Variants in POC1A observed in about 807,000 individuals in gnomAD.
POC1A encodes POC1 centriolar protein A.
In POC1A, 34 loss-of-function variants were observed where a neutral mutation model predicts 47.8. The observed-to-expected ratio is 0.71, with a 90% CI of 0.54 to 0.95. POC1A has a LOEUF of 0.95. POC1A is among the 40% of genes least tolerant of loss of function. The probability of loss-of-function intolerance (pLI) is 0.00; values close to 1 mark genes in which losing one functional copy is unlikely to be tolerated. For synonymous variants in POC1A, 177 were observed against 207.6 expected (o/e 0.85, Z 1.27); for missense variants, 466 against 528.3 (o/e 0.88, Z 1.16).
intron 8 of POC1A, among the ~76,000 whole-genome samples, chr3:52,123,039 C>T (rs1399687484): frequency 6.6e-6 from 1 of 152,222 alleles, no homozygotes; most frequent in Non-Finnish European, 1.5e-5. Flanking sequence ...TGGCCTAAGG[C>T]AAGGGACTCA....
chr3:52,134,489 G>A lies in POC1A; in HGVS notation c.813+3680C>T, dbSNP rs111844121. ...TCTACTAAAAATACAAAAATTAGCC[G>A]GGTGTGGTGGCGGGTGCCTGTAATC... On this transcript the variant is annotated intron_variant, in intron 7 of 10. Coordinates refer to ENST00000296484, the MANE Select transcript of POC1A (RefSeq NM_015426.5). Among the ~76,000 whole-genome samples the A allele has an allele frequency of 1.3e-4, 20 of 152,058 alleles. 1 individual carries two copies. Among genetic ancestry groups the A allele is most frequent in the African/African-American group, 2.2e-4 (9 of 41,494 alleles).
chr3:52,089,352 C>A (rs1702568843), intron 10 of POC1A, among the ~76,000 whole-genome samples: 1 of 152,128 alleles, frequency 6.6e-6, no homozygotes, highest in Non-Finnish European at 1.5e-5. Flanking sequence ...CCAAGTGTGT[C>A]CCTGGCACAG....
intron 6 of POC1A, among the ~76,000 whole-genome samples, chr3:52,145,373 T>C (rs989020943): frequency 8.5e-5 from 13 of 152,192 alleles, no homozygotes; most frequent in African/African-American, 3.1e-4. Context: ...CGGAGGACAC[T>C]GTAAGACCAG....
chr3:52,116,520 C>T (rs1432789797), intron 9 of POC1A, among the ~76,000 whole-genome samples: 1 of 152,172 alleles, frequency 6.6e-6, no homozygotes, highest in Non-Finnish European at 1.5e-5. Flanking sequence ...GATCTGCTCT[C>T]TCATCTGGGA....
intron 7 of POC1A, among the ~76,000 whole-genome samples, chr3:52,129,465 CA>C (rs1704131554): frequency 1.3e-5 from 2 of 152,264 alleles, no homozygotes; most frequent in South Asian, 4.1e-4. Flanking sequence ...GGGATATTGC[CA>C]AGTCCATCCT....
At chr3:52,088,594 T>C (rs946371891) in intron 10 of POC1A, among the ~76,000 whole-genome samples, 1 of 152,010 alleles carries the variant, frequency 6.6e-6, no homozygotes, top group Non-Finnish European at 1.5e-5. Context: ...GGGTCAGCTG[T>C]GATGAAGTAG....
chr3:52,139,313 C>T (rs1698099423), intron 6 of POC1A, among the ~76,000 whole-genome samples: 1 of 152,156 alleles, frequency 6.6e-6, no homozygotes, highest in African/African-American at 2.4e-5. Context: ...AACTCAAGGT[C>T]CTGCCACTTC....
At chr3:52,100,852 G>A (rs769119482) in intron 9 of POC1A, among the ~76,000 whole-genome samples, 7 of 152,066 alleles carry the variant, frequency 4.6e-5, no homozygotes, top group Admixed American at 2.6e-4. Context: ...ATGAAGCCCT[G>A]CCAGGACCTC....
intron 9 of POC1A, among the ~76,000 whole-genome samples, chr3:52,112,816 C>T (rs1703431393): frequency 6.6e-6 from 1 of 152,204 alleles, no homozygotes; most frequent in Non-Finnish European, 1.5e-5. Flanking sequence ...GATAAAGAGA[C>T]TTTCTTCTTC....
rs1196690175 is a variant in POC1A at position 52,149,973 on chromosome 3, C to T, written c.118G>A (p.Asp40Asn). Residue 40 changes from aspartate (D) to asparagine (N), a missense_variant, in exon 3 of 11, where the codon GAC (aspartate) becomes AAC (asparagine). By Grantham distance (23) the Asp-to-Asn change is conservative. Transcript: ENST00000296484. The part of the protein sequence containing the change: ...NTKQLASGSM[D>N]SCLMVWHMKP... ...ATGTGCCAGACCATGAGGCATGAGT[C>T]CATGGAGCCACTGGCTGAGGACAGT... 1 of 1,613,202 alleles carries T rather than the reference C, an allele frequency of 6.2e-7. No homozygotes were observed.
At chr3:52,131,266 G>A in intron 7 of POC1A, among the ~76,000 whole-genome samples, 1 of 152,144 alleles carries the variant, frequency 6.6e-6, no homozygotes, top group East Asian at 1.9e-4. Context: ...CCACACATGG[G>A]GCTGTGAGGG....
At chr3:52,085,812 A>G (rs1421355251) in intron 10 of POC1A, among the ~76,000 whole-genome samples, 1 of 152,252 alleles carries the variant, frequency 6.6e-6, no homozygotes, top group Non-Finnish European at 1.5e-5. Context: ...TAGTCACTGC[A>G]ATATTCATAT....
chr3:52,139,625 G>A (rs537841712), intron 6 of POC1A, among the ~76,000 whole-genome samples: 4 of 152,186 alleles, frequency 2.6e-5, no homozygotes, highest in East Asian at 1.9e-4. Context: ...GCCTCCCATC[G>A]GTTCACTCTT....
In POC1A at chr3:52,130,065, C is replaced by T. The variant is rs140688819; in HGVS notation, c.814-4884G>A. Among the ~76,000 whole-genome samples, 565 of 152,344 alleles carry T rather than the reference C, an allele frequency of 3.7e-3. 3 individuals are homozygous for T. Among genetic ancestry groups the T allele is most frequent in the African/African-American group, 0.013 (532 of 41,578 alleles). ...TCCTCACCTTCTCCCGCCTGACTCTCAGAGGCCCCTGTATGCCTGAACTCT... is the reference window on the plus strand; with the variant it reads ...TCCTCACCTTCTCCCGCCTGACTCTTAGAGGCCCCTGTATGCCTGAACTCT... On this transcript the variant is annotated intron_variant, in intron 7 of 10. Transcript: ENST00000296484.
chr3:52,100,983 G>A (rs1055516900), intron 9 of POC1A, among the ~76,000 whole-genome samples: 2 of 151,790 alleles, frequency 1.3e-5, no homozygotes, highest in Admixed American at 1.3e-4. Flanking sequence ...CTTTGAATGA[G>A]GAAGGAGCAG....
At chr3:52,147,130 T>TA in intron 4 of POC1A, 35 bp from the exon 5 acceptor site, 2 of 1,509,364 alleles carry the variant, frequency 1.3e-6, no homozygotes, top group Non-Finnish European at 1.8e-6. Context: ...CATCACAGAC[T>TA]AACAGACGAC....
rs1458441821 is a variant in POC1A at position 52,079,373 on chromosome 3, C to G, written c.1126-3388G>C. On this transcript the variant is annotated intron_variant, in intron 10 of 10. Coordinates refer to ENST00000296484, the MANE Select transcript of POC1A (RefSeq NM_015426.5). The surrounding 1 kb of genome is among the most constrained non-coding windows in gnomAD (Gnocchi z 4.6). Reference sequence around the variant, plus strand: ...TTATCCTGCTACCAGCGCCTGTCCTCACCAGGCTGGAGACAAGGCCACACC... The same window carrying G: ...TTATCCTGCTACCAGCGCCTGTCCTGACCAGGCTGGAGACAAGGCCACACC... Among the ~76,000 whole-genome samples the G allele has an allele frequency of 6.6e-6, 1 of 152,258 alleles. No homozygotes were observed. The highest frequency in any genetic ancestry group is 1.5e-5 in the Non-Finnish European group (1 of 68,042).
intron 6 of POC1A, among the ~76,000 whole-genome samples, chr3:52,143,965 G>A (rs1698283914): frequency 6.6e-6 from 1 of 152,178 alleles, no homozygotes; most frequent in African/African-American, 2.4e-5. Flanking sequence ...TCAGAGATGG[G>A]TCTGGACCCT....
chr3:52,122,204 G>A (rs904043511), intron 9 of POC1A, among the ~76,000 whole-genome samples, 175 bp downstream of exon 9: 1 of 152,212 alleles, frequency 6.6e-6, no homozygotes, highest in African/African-American at 2.4e-5. Context: ...ACTCTAGATG[G>A]AAAACAAAGC....
Sources: gnomAD v4.1 joint callset for allele counts (sites outside exome capture counted in the v4.1 genomes callset) on GRCh38, gnomAD v4.1.1 for gene constraint, Gnocchi (gnomAD v3.1) non-coding constraint, MANE v1.5 for transcripts, NCBI Gene and HGNC (gene_info 2026-07-23, HGNC 2026-07-21) for gene names.